The following TRHDE variants were observed in gnomAD, a reference collection of about 807,000 sequenced individuals.
The protein encoded by TRHDE is thyrotropin-releasing hormone-degrading ectoenzyme.
TRHDE carries 72 observed loss-of-function variants against 125.7 expected under a neutral mutation model. The ratio of observed to expected loss-of-function variants is 0.57; its 90% CI spans 0.47 to 0.70. TRHDE has a LOEUF of 0.70. Among genes scored for constraint, TRHDE ranks in the 30% least tolerant of loss-of-function variants. The pLI is 0.00. For missense variants in TRHDE, 1,110 were observed against 1,327.1 expected (o/e 0.84, Z 2.54); for synonymous variants, 509 against 509.1 (o/e 1.00, Z 0.00).
intron 12 of TRHDE, among the ~76,000 whole-genome samples, chr12:72,599,149 C>T (rs1872103153): frequency 1.3e-5 from 2 of 152,066 alleles, no homozygotes; most frequent in African/African-American, 4.8e-5. Context: ...TACATTGATT[C>T]TATGTCTTTG....
intron 2 of TRHDE, among the ~76,000 whole-genome samples, chr12:72,333,135 T>G (rs958458563): frequency 2.6e-5 from 4 of 152,124 alleles, no homozygotes; most frequent in Non-Finnish European, 5.9e-5. Context: ...TAATGGGGAG[T>G]GCACTCATTA....
At chr12:72,537,792 T>C (rs1037676349) in intron 6 of TRHDE, among the ~76,000 whole-genome samples, 5 of 152,102 alleles carry the variant, frequency 3.3e-5, no homozygotes, top group Non-Finnish European at 7.4e-5. Context: ...TTTGAGAGCC[T>C]GCTATGTGCC....
At chr12:72,509,897 C>G (rs1878513207) in intron 6 of TRHDE, among the ~76,000 whole-genome samples, 1 of 152,118 alleles carries the variant, frequency 6.6e-6, no homozygotes, top group African/African-American at 2.4e-5. Flanking sequence ...AGGGAAAGAT[C>G]CCATCTGTTT....
intron 15 of TRHDE, among the ~76,000 whole-genome samples, chr12:72,637,705 C>A (rs1413340724): frequency 6.6e-6 from 1 of 152,076 alleles, no homozygotes; most frequent in Non-Finnish European, 1.5e-5. Flanking sequence ...TATGTTGTGT[C>A]TTTGTTCTTG....
rs1870839455 is a variant in TRHDE, at chr12:72,356,699, T to C, written c.1189-21296T>C. Among the ~76,000 whole-genome samples, 2 of 151,410 alleles carry C rather than the reference T, an allele frequency of 1.3e-5. 1 individual carries two copies. Among genetic ancestry groups the C allele is most frequent in the South Asian group, 4.2e-4 (2 of 4,814 alleles). ...GCGGAGAAAAATGATAGATTAAAAATTTGTTAAAGAGGTAAAATTAAAAGG... is the reference window on the plus strand; with the variant it reads ...GCGGAGAAAAATGATAGATTAAAAACTTGTTAAAGAGGTAAAATTAAAAGG... On this transcript the variant is annotated intron_variant, in intron 2 of 18. Transcript: ENST00000261180.
chr12:72,271,012 C>CT (rs766014445), upstream of TRHDE, among the ~76,000 whole-genome samples: 3 of 152,190 alleles, frequency 2.0e-5, no homozygotes, highest in Non-Finnish European at 4.4e-5. Flanking sequence ...AAATGAAAAA[C>CT]TGACCAATCA....
chr12:72,576,551 A>G (rs1250500593), intron 12 of TRHDE, among the ~76,000 whole-genome samples: 1 of 152,118 alleles, frequency 6.6e-6, no homozygotes, highest in South Asian at 2.1e-4. Context: ...AGCAAAGCCA[A>G]AGTTTGGGAT....
At chr12:72,536,518 G>A (rs989445667) in intron 6 of TRHDE, among the ~76,000 whole-genome samples, 1 of 152,052 alleles carries the variant, frequency 6.6e-6, no homozygotes, top group African/African-American at 2.4e-5. Flanking sequence ...ATCCATTGGT[G>A]GAGTCTCCTG....
At chr12:72,618,278 G>A (rs1232570849) in intron 12 of TRHDE, among the ~76,000 whole-genome samples, 1 of 151,858 alleles carries the variant, frequency 6.6e-6, no homozygotes, top group Non-Finnish European at 1.5e-5. Flanking sequence ...TATTTTGAAA[G>A]GAAAATAATA....
chr12:72,352,886 C>G (rs1870645980), intron 2 of TRHDE, among the ~76,000 whole-genome samples: 1 of 151,048 alleles, frequency 6.6e-6, no homozygotes, highest in African/African-American at 2.4e-5. Context: ...AATTATAATG[C>G]CTTTAAATTG....
intron 2 of TRHDE, among the ~76,000 whole-genome samples, chr12:72,252,952 T>C (rs946979775): frequency 1.3e-5 from 2 of 152,092 alleles, no homozygotes; most frequent in Non-Finnish European, 2.9e-5. Context: ...TTTTCATACG[T>C]TTATTGTTAC....
chr12:72,196,709 T>C (rs1877450277), intron 2 of TRHDE, among the ~76,000 whole-genome samples: 1 of 152,096 alleles, frequency 6.6e-6, no homozygotes, highest in South Asian at 2.1e-4. Context: ...TATTATTTCA[T>C]CCAAGGCTAA....
chr12:72,413,358 T>C (rs1164580045), intron 3 of TRHDE, among the ~76,000 whole-genome samples: 1 of 151,954 alleles, frequency 6.6e-6, no homozygotes, highest in Non-Finnish European at 1.5e-5. Context: ...CATGTGACTA[T>C]TGAGCACTTG....
rs35613758 is a variant in TRHDE, at chr12:72,205,332, G to GTTTTT, written n.279+99590_279+99594dup. ...CCTTCCCTTCGTGTACCAAAGCACT[G>GTTTTT]TTTTTTTTTTTTTTGAGAAAATGTT... On this transcript the variant is annotated intron_variant and non_coding_transcript_variant, in intron 2 of 4. Coordinates refer to the TRHDE transcript ENST00000548156. Among the ~76,000 whole-genome samples the GTTTTT allele has an allele frequency of 3.6e-5, 5 of 138,728 alleles. No individual in the cohort carries two copies. The East Asian group carries it at 8.5e-4, about 24-fold the overall frequency. 91.0% of individuals were successfully genotyped at this position (138,728 alleles called of 152,430 possible). A position where few individuals can be genotyped will look rare whatever the true frequency, so the allele number is the denominator to read the frequency against.
At chr12:72,151,754 T>C (rs1876371724) in intron 2 of TRHDE, among the ~76,000 whole-genome samples, 1 of 152,206 alleles carries the variant, frequency 6.6e-6, no homozygotes, top group African/African-American at 2.4e-5. Context: ...CATTGGTCTA[T>C]ATCTCTGTTT....
intron 6 of TRHDE, among the ~76,000 whole-genome samples, chr12:72,518,568 C>T (rs904004396): frequency 3.9e-5 from 6 of 152,228 alleles, no homozygotes; most frequent in Admixed American, 2.0e-4. Flanking sequence ...TTCCTGAATA[C>T]AGCACACTGA....
In TRHDE at chr12:72,094,061, G is replaced by A. The variant is rs570189791; in HGVS notation, n.174+6622G>A. On this transcript the variant is annotated intron_variant and non_coding_transcript_variant, in intron 1 of 4. Coordinates refer to the TRHDE transcript ENST00000548156. ...CGGATTGGAGCTGGGTCATGTGGCC[G>A]CTGTTGGGTTTGCAGTGGAGTCTGT... 9.2e-5 allele frequency among the ~76,000 whole-genome samples: 14 copies of A among 152,260 alleles called. No homozygotes were observed. In the South Asian group the frequency reaches 1.0e-3, roughly 11 times the overall value.
At chr12:72,624,614 G>C (rs142598050) in intron 15 of TRHDE, among the ~76,000 whole-genome samples, 231 of 152,010 alleles carry the variant, frequency 1.5e-3, no homozygotes, top group African/African-American at 5.3e-3. Context: ...ACAATGAATA[G>C]CTAGAGATGG....
intron 14 of TRHDE, 147 bp downstream of exon 14, chr12:72,621,352 G>T: frequency 1.6e-6 from 1 of 624,304 alleles, no homozygotes; most frequent in Non-Finnish European, 2.8e-6. Flanking sequence ...CTGCTGCTGG[G>T]TAGCACAGTT....
Sources: allele counts gnomAD v4.1 joint callset (sites outside exome capture counted in the v4.1 genomes callset), GRCh38; gene constraint gnomAD v4.1.1; transcripts MANE v1.5; gene names NCBI Gene and HGNC (gene_info 2026-07-23, HGNC 2026-07-21).